The following WIPI2 variants were observed in gnomAD, a reference collection of about 807,000 sequenced individuals.
WIPI2 encodes WD repeat domain, phosphoinositide interacting 2, also known as WD repeat domain phosphoinositide-interacting protein 2.
A neutral mutation model predicts 52.3 loss-of-function variants in WIPI2; 28 were observed. That is an observed-to-expected ratio of 0.54 (90% CI 0.40 to 0.73). WIPI2 has a LOEUF of 0.73. Ranked by LOEUF, WIPI2 falls within the 30% of genes least tolerant of loss-of-function variation. The pLI is 0.00. For synonymous variants in WIPI2, 268 were observed against 245.0 expected, an observed-to-expected ratio of 1.09 and a Z score of -0.88; for missense variants, 506 against 602.9, an observed-to-expected ratio of 0.84 and a Z score of 1.68.
intron 8 of WIPI2, among the ~76,000 whole-genome samples, chr7:5,225,329 CGG>C (rs1364221289): frequency 3.3e-5 from 5 of 151,890 alleles, no homozygotes; most frequent in East Asian, 1.9e-4. Flanking sequence ...TTAGTAGAGA[CGG>C]GGGGTTTCAC....
In WIPI2 at chr7:5,230,030, C is replaced by T. The variant is rs906050704; in HGVS notation, c.1252+292C>T. 6.6e-6 allele frequency among the ~76,000 whole-genome samples: 1 copy of T among 151,840 alleles called. No individual in the cohort carries two copies. Among genetic ancestry groups the T allele is most frequent in the Admixed American group, 6.6e-5 (1 of 15,240 alleles). The stretch of plus-strand genomic sequence containing the variant: ...TCAAGTGATTCTCCCGCCTCAGCCT[C>T]CCACAGTGCTGGGATTATAGGCATG... On this transcript the variant is annotated intron_variant, in intron 12 of 12. Coordinates refer to ENST00000288828, the MANE Select transcript of WIPI2 (RefSeq NM_015610.4). This position sits in a 1 kb window ranked among gnomAD's most constrained non-coding sequence, Gnocchi z 4.8.
At chr7:5,228,749 G>C (rs530060355) in intron 11 of WIPI2, among the ~76,000 whole-genome samples, 11 of 152,108 alleles carry the variant, frequency 7.2e-5, no homozygotes, top group Non-Finnish European at 1.5e-4. Context: ...TTTTATTTTA[G>C]AGATAGGGTC....
intron 1 of WIPI2, among the ~76,000 whole-genome samples, chr7:5,192,363 C>G (rs1425487393): frequency 6.6e-6 from 1 of 152,104 alleles, no homozygotes; most frequent in East Asian, 1.9e-4. Flanking sequence ...TAGAGAGTTT[C>G]CAAAACATTG....
intron 3 of WIPI2, among the ~76,000 whole-genome samples, chr7:5,203,182 G>T (rs1195038168): frequency 6.6e-6 from 1 of 152,182 alleles, no homozygotes; most frequent in African/African-American, 2.4e-5. Context: ...TTTGAGAAAT[G>T]GTGTTTTCTG....
At chr7:5,198,704 G>T (rs1781872025) in intron 2 of WIPI2, among the ~76,000 whole-genome samples, 1 of 152,168 alleles carries the variant, frequency 6.6e-6, no homozygotes, top group Non-Finnish European at 1.5e-5. Context: ...AACCAGTAAG[G>T]CTGATTCCTT....
chr7:5,209,097 A>G (rs1035156952), intron 3 of WIPI2, among the ~76,000 whole-genome samples: 1 of 141,400 alleles, frequency 7.1e-6, no homozygotes, highest in Non-Finnish European at 1.5e-5. Flanking sequence ...TGACATTATC[A>G]TAAAAGAAAA....
chr7:5,209,557 T>G (rs1350112722), intron 3 of WIPI2, among the ~76,000 whole-genome samples: 1 of 152,244 alleles, frequency 6.6e-6, no homozygotes, highest in Non-Finnish European at 1.5e-5. Flanking sequence ...AGTCTTTCTC[T>G]GTGCAGTTGA....
intron 4 of WIPI2, among the ~76,000 whole-genome samples, chr7:5,215,242 C>T (rs1782755382): frequency 7.2e-6 from 1 of 138,162 alleles, no homozygotes; most frequent in African/African-American, 2.8e-5. Context: ...ACCCGGGAGT[C>T]GGAAGTTGCA....
At chr7:5,218,444 C>A (rs1782932620) in intron 7 of WIPI2, 1 of 165,440 alleles carries the variant, frequency 6.0e-6, no homozygotes, top group African/African-American at 2.4e-5. Context: ...AATTGGGATC[C>A]TACTATGGGT....
chr7:5,191,973 T>C (rs1399773450), intron 1 of WIPI2, among the ~76,000 whole-genome samples: 1 of 152,148 alleles, frequency 6.6e-6, no homozygotes, highest in African/African-American at 2.4e-5. Context: ...GGTTTTGGAA[T>C]TGGTTAATAG....
In WIPI2 at chr7:5,202,728, G is replaced by A. The variant is rs989667796; in HGVS notation, c.211+3070G>A. 5.3e-5 allele frequency among the ~76,000 whole-genome samples: 8 copies of A among 151,340 alleles called. No homozygotes were observed. The South Asian group carries it at 6.2e-4, about 12-fold the overall frequency. On this transcript the variant is annotated intron_variant, in intron 3 of 12. Coordinates refer to ENST00000288828, the MANE Select transcript of WIPI2 (RefSeq NM_015610.4). ...TGGGATTACAGGCGTGAGCCACCGC[G>A]CCCGGCCTCTCATATGATCATTTTC...
At chr7:5,228,236 G>A (rs200689589) in intron 11 of WIPI2, 25 bp downstream of exon 11, 15 of 1,591,612 alleles carry the variant, frequency 9.4e-6, no homozygotes, top group African/African-American at 8.1e-5. Context: ...GCCGCTTCAC[G>A]GAGCTGCTCC....
chr7:5,222,636 G>C lies in WIPI2; in HGVS notation c.704G>C (p.Gly235Ala). Reference sequence around the variant, plus strand: ...ATTAGGGTATTTTCCATTCCAGAAGGACAAAAACTCTTTGAGTTTCGGAGA... The same window carrying C: ...ATTAGGGTATTTTCCATTCCAGAAGCACAAAAACTCTTTGAGTTTCGGAGA... ...TVIRVFSIPE[G>A]QKLFEFRRGV... Residue 235 changes from glycine to alanine, a missense_variant, in exon 8 of 13, where the codon GGA becomes GCA. Gly to Ala is a moderately conservative substitution (Grantham distance 60). Coordinates refer to ENST00000288828, the MANE Select transcript of WIPI2 (RefSeq NM_015610.4). The C allele has an allele frequency of 6.2e-7, 1 of 1,614,030 alleles. No homozygotes were observed. Among genetic ancestry groups the C allele is most frequent in the Non-Finnish European group, 8.5e-7 (1 of 1,179,970 alleles).
rs1275871585 is a variant in WIPI2, at chr7:5,230,348, C to G, written c.1253-487C>G. ...CAGCACTAAGACCCATGCATGAGAT[C>G]CTCCAGCCACAGCCTTGGCTATGTG... On this transcript the variant is annotated intron_variant, in intron 12 of 12. Coordinates refer to ENST00000288828, the MANE Select transcript of WIPI2 (RefSeq NM_015610.4). The surrounding 1 kb of genome is among the most constrained non-coding windows in gnomAD (Gnocchi z 4.8). 2.0e-5 allele frequency among the ~76,000 whole-genome samples: 3 copies of G among 152,202 alleles called. No homozygotes were observed. The highest frequency in any genetic ancestry group is 4.4e-5 in the Non-Finnish European group (3 of 68,024).
rs148216090 is a variant in WIPI2, at chr7:5,199,508, G to A, written c.129-68G>A. ...TGCTGGGAACTCGCTGGGAACGTGG[G>A]AGCTGGTTTCTACATTGTCACTGTC... On this transcript the variant is annotated intron_variant, in intron 2 of 12. Coordinates refer to ENST00000288828, the MANE Select transcript of WIPI2 (RefSeq NM_015610.4). 11,143 of 1,418,362 alleles carry A rather than the reference G, an allele frequency of 7.9e-3. 53 individuals carry two copies. Among genetic ancestry groups the A allele is most frequent in the Non-Finnish European group, 9.4e-3 (9,578 of 1,020,022 alleles). 87.9% of individuals were successfully genotyped at this position (1,418,362 alleles called of 1,614,324 possible).
Position 5,227,385 on chromosome 7 carries a change from T to G in WIPI2, c.1013+41T>G. On this transcript the variant is annotated intron_variant, in intron 10 of 12. Transcript: ENST00000288828. This position sits in a 1 kb window ranked among gnomAD's most constrained non-coding sequence, Gnocchi z 8.1. ...GCCTCCGTCCCCCACCCCGTGTGCC[T>G]CAGGCCGAGGGGCCCAGTCCTGGCG... The G allele has an allele frequency of 1.2e-6, 2 of 1,602,050 alleles. No homozygotes were observed. The highest frequency in any genetic ancestry group is 1.7e-6 in the Non-Finnish European group (2 of 1,176,652).
At chr7:5,200,831 G>C (rs936480991) in intron 3 of WIPI2, among the ~76,000 whole-genome samples, 2 of 152,160 alleles carry the variant, frequency 1.3e-5, no homozygotes, top group Non-Finnish European at 2.9e-5. Flanking sequence ...TGTCTTTCCT[G>C]TTGCTGCCCC....
At chr7:5,218,057 C>T in intron 7 of WIPI2, 43 bp downstream of exon 7, 3 of 1,600,306 alleles carry the variant, frequency 1.9e-6, no homozygotes, top group Non-Finnish European at 2.6e-6. Flanking sequence ...GCCAAGGCGT[C>T]CACAGACTTT....
intron 2 of WIPI2, 149 bp from the exon 3 acceptor site, chr7:5,199,427 C>A: frequency 1.6e-6 from 1 of 644,934 alleles, no homozygotes; most frequent in Non-Finnish European, 2.7e-6. Flanking sequence ...GCACTTGATA[C>A]AAACAGTGTG....
Sources: allele counts gnomAD v4.1 joint callset (sites outside exome capture counted in the v4.1 genomes callset), GRCh38; gene constraint gnomAD v4.1.1; non-coding constraint Gnocchi (gnomAD v3.1); transcripts MANE v1.5; gene names NCBI Gene and HGNC (gene_info 2026-07-23, HGNC 2026-07-21).